The following ZBTB7A variants were observed in gnomAD, a reference collection of about 807,000 sequenced individuals.
The protein encoded by ZBTB7A is zinc finger and BTB domain containing 7A, also known as zinc finger and BTB domain-containing protein 7A.
ZBTB7A carries 7 observed loss-of-function variants against 26.7 expected under a neutral mutation model. The ratio of observed to expected loss-of-function variants is 0.26; its 90% CI spans 0.15 to 0.49. ZBTB7A has a LOEUF of 0.49. Among genes scored for constraint, ZBTB7A ranks in the 20% least tolerant of loss-of-function variants. ZBTB7A has a pLI of 0.98. For missense variants in ZBTB7A, 617 were observed against 919.5 expected (o/e 0.67, Z 4.25); for synonymous variants, 452 against 441.0 (o/e 1.02, Z -0.31).
intron 2 of ZBTB7A, among the ~76,000 whole-genome samples, chr19:4,050,282 A>G (rs952216186): frequency 3.7e-4 from 56 of 150,080 alleles, no homozygotes; most frequent in African/African-American, 1.2e-3. Context: ...GCTGGTCTTG[A>G]ACTCCTGACC....
At position 4,045,882 on chromosome 19, in the gene ZBTB7A, G is replaced by C. The variant is rs943137316; in HGVS notation, c.*1870C>G. ...CCTGGATTACAGTCAGTGCCTTTGAGTAAAAAGAGGGGTGCCTGGGGTGGG... is the reference window on the plus strand; with the variant it reads ...CCTGGATTACAGTCAGTGCCTTTGACTAAAAAGAGGGGTGCCTGGGGTGGG... On this transcript the variant is annotated 3_prime_UTR_variant, in exon 3 of 3. Coordinates refer to ENST00000322357, the MANE Select transcript of ZBTB7A (RefSeq NM_015898.4). This position sits in a 1 kb window ranked among gnomAD's most constrained non-coding sequence, Gnocchi z 4.1. 1.3e-5 allele frequency: 5 copies of C among 398,664 alleles called. No homozygotes were observed. The highest frequency in any genetic ancestry group is 6.3e-4 in the Middle Eastern group (1 of 1,588). The allele number at this position is 398,664 out of a possible 1,614,324, so 24.7% of individuals were successfully genotyped here.
rs763956115 is a variant in ZBTB7A, at chr19:4,047,717, C to G, written c.*35G>C. 3.2e-6 allele frequency: 5 copies of G among 1,570,192 alleles called. No individual in the cohort carries two copies. The highest frequency in any genetic ancestry group is 1.9e-5 in the Admixed American group (1 of 51,614). ...ATTTTTTTTCTCTCTCTCTGTCTCT[C>G]TCTTTCTCGGGTTTCTGTTTTCTCT... On this transcript the variant is annotated 3_prime_UTR_variant, in exon 3 of 3. Coordinates refer to ENST00000322357, the MANE Select transcript of ZBTB7A (RefSeq NM_015898.4).
At chr19:4,064,399 G>A (rs2040669958) in intron 1 of ZBTB7A, among the ~76,000 whole-genome samples, 1 of 152,216 alleles carries the variant, frequency 6.6e-6, no homozygotes, top group African/African-American at 2.4e-5. Context: ...CCCGCCGATA[G>A]GTGCTCTCGG....
At chr19:4,049,468 C>T (rs750896439) in intron 2 of ZBTB7A, among the ~76,000 whole-genome samples, 2 of 151,730 alleles carry the variant, frequency 1.3e-5, no homozygotes, top group Non-Finnish European at 2.9e-5. Flanking sequence ...GCCGAGCGCC[C>T]GCTGAGGGCC....
chr19:4,047,171 G>C lies in ZBTB7A; in HGVS notation c.*581C>G, dbSNP rs2040430650. On this transcript the variant is annotated 3_prime_UTR_variant, in exon 3 of 3. Transcript: ENST00000322357. ...AGGCGGGGAGGCCACTGGGGAGATG[G>C]AGAGGGAGACCCCTCCCTTAGTAAG... 6.6e-6 allele frequency: 1 copy of C among 152,206 alleles called. No individual in the cohort carries two copies. Among genetic ancestry groups the C allele is most frequent in the African/African-American group, 2.4e-5 (1 of 41,414 alleles). 9.4% of individuals were successfully genotyped at this position (152,206 alleles called of 1,614,324 possible). A position where few individuals can be genotyped will look rare whatever the true frequency, so the allele number is the denominator to read the frequency against.
chr19:4,053,788 G>A (rs1017860480), intron 2 of ZBTB7A, among the ~76,000 whole-genome samples, 183 bp downstream of exon 2: 13 of 151,730 alleles, frequency 8.6e-5, no homozygotes, highest in Non-Finnish European at 1.8e-4. Context: ...GTGTCTGCGT[G>A]TGTGTGGATG....
chr19:4,047,896 G>A lies in ZBTB7A; in HGVS notation c.1611C>T (p.His537=). Residue 537 remains histidine (H), a synonymous_variant, in exon 3 of 3, where the codon CAC becomes CAT. Transcript: ENST00000322357. ...CCTCGTCCTCGTCCTCGTCCTTAAA[G>A]TGCTTCTCCTGGCCGTTGCGCCGGG... is the stretch of plus-strand genomic sequence containing the variant. ...PDARRNGQEK[H]FKDEDEDEDV... The A allele has an allele frequency of 6.3e-7, 1 of 1,579,950 alleles. No homozygotes were observed. Among genetic ancestry groups the A allele is most frequent in the Non-Finnish European group, 8.6e-7 (1 of 1,165,130 alleles).
chr19:4,044,778 C>CTG lies in ZBTB7A; in HGVS notation c.*2972_*2973dup, dbSNP rs886619247. On this transcript the variant is annotated 3_prime_UTR_variant, in exon 3 of 3. Coordinates refer to ENST00000322357, the MANE Select transcript of ZBTB7A (RefSeq NM_015898.4). The stretch of plus-strand genomic sequence containing the variant: ...AACAACCAAACAAAAAAGCTTTGAG[C>CTG]TGTGTCCTTTCATATGGAGTCAACA... 2.0e-5 allele frequency: 3 copies of CTG among 149,222 alleles called. No homozygotes were observed. The highest frequency in any genetic ancestry group is 4.4e-5 in the Non-Finnish European group (3 of 67,670). The allele number at this position is 149,222 out of a possible 1,614,324, so 9.2% of individuals were successfully genotyped here. A position where few individuals can be genotyped will look rare whatever the true frequency, so the allele number is the denominator to read the frequency against.
chr19:4,062,385 G>T (rs1443061895), intron 1 of ZBTB7A: 1 of 152,396 alleles, frequency 6.6e-6, no homozygotes, highest in East Asian at 1.9e-4. Flanking sequence ...GAGCAGCTGG[G>T]GGAGGCTGGG....
Position 4,054,642 on chromosome 19 carries a change from G to A in ZBTB7A, c.591C>T (p.Ala197=), listed in dbSNP as rs73534140. The A allele has an allele frequency of 6.4e-3, 10,265 of 1,597,776 alleles. 598 individuals carry two copies. In the African/African-American group the frequency reaches 0.12, roughly 19 times the overall value. ...AFGASDDDLD[A]TKEAVAAAVA... ...CAGCGGCGGCCACGGCCTCCTTGGT[G>A]GCATCCAGGTCATCATCGGACGCCC... The change falls in exon 2 of 3, where the codon GCC becomes GCT. Residue 197 remains alanine (A), a synonymous_variant. Transcript: ENST00000322357.
At chr19:4,053,854 T>A in intron 2 of ZBTB7A, 117 bp downstream of exon 2, 1 of 1,199,620 alleles carries the variant, frequency 8.3e-7, no homozygotes, top group South Asian at 1.5e-5. Context: ...CGTGCGTGTA[T>A]GTGTGCGTCT....
At chr19:4,058,707 G>A (rs2040609208) in intron 1 of ZBTB7A, among the ~76,000 whole-genome samples, 1 of 152,238 alleles carries the variant, frequency 6.6e-6, no homozygotes, top group Non-Finnish European at 1.5e-5. Flanking sequence ...CAGCAGCTCA[G>A]GCAGGCTCTG....
rs756280965 is a variant in ZBTB7A, at chr19:4,047,600, C to CAT, written c.*150_*151dup. 5.5e-4 allele frequency: 320 copies of CAT among 586,278 alleles called. No homozygotes were observed. The highest frequency in any genetic ancestry group is 6.3e-4 in the Non-Finnish European group (255 of 402,304). 36.3% of individuals were successfully genotyped at this position (586,278 alleles called of 1,614,324 possible). A position where few individuals can be genotyped will look rare whatever the true frequency, so the allele number is the denominator to read the frequency against. Reference sequence around the variant, plus strand: ...CGCTACCCTAGATTCTGTGACGCGTCATATATATATATCTGTATATATATA... The same window carrying CAT: ...CGCTACCCTAGATTCTGTGACGCGTCATATATATATATATCTGTATATATATA... On this transcript the variant is annotated 3_prime_UTR_variant, in exon 3 of 3. Transcript: ENST00000322357.
intron 1 of ZBTB7A, among the ~76,000 whole-genome samples, chr19:4,059,429 C>T (rs981033134): frequency 6.6e-6 from 1 of 152,260 alleles, no homozygotes; most frequent in South Asian, 2.1e-4. Flanking sequence ...TCTCTTGGGC[C>T]CCTGTTCCCC....
chr19:4,055,021 T>C lies in ZBTB7A; in HGVS notation c.212A>G (p.Gln71Arg). The change falls in exon 2 of 3, where the codon CAG (glutamine) becomes CGG (arginine). Residue 71 changes from glutamine (Q) to arginine (R), a missense_variant. Gln to Arg is a conservative substitution (Grantham distance 43, BLOSUM62 1). Coordinates refer to ENST00000322357, the MANE Select transcript of ZBTB7A (RefSeq NM_015898.4). ...GAAGTCGATCTCGTACACGTTCTGC[T>C]GGTCCACCACGGCGCCCGACGTGAA... ...KLFTSGAVVD[Q>R]QNVYEIDFVS... The C allele has an allele frequency of 1.2e-6, 2 of 1,611,186 alleles. No homozygotes were observed. Among genetic ancestry groups the C allele is most frequent in the Non-Finnish European group, 1.7e-6 (2 of 1,178,954 alleles).
intron 2 of ZBTB7A, among the ~76,000 whole-genome samples, chr19:4,051,841 C>T (rs915224234): frequency 5.3e-5 from 8 of 152,246 alleles, no homozygotes; most frequent in Non-Finnish European, 8.8e-5. Flanking sequence ...GCACAGCAGG[C>T]CAGAGGGCCA....
intron 1 of ZBTB7A, among the ~76,000 whole-genome samples, chr19:4,066,350 C>G (rs968129454): frequency 6.6e-6 from 1 of 150,730 alleles, no homozygotes; most frequent in African/African-American, 2.4e-5. Context: ...CGGCTCCCCC[C>G]ACCCTCAATG....
chr19:4,054,728 TGGG>T lies in ZBTB7A; in HGVS notation c.502_504del (p.Pro168del), dbSNP rs2040554832. 1 of 1,571,078 alleles carries T rather than the reference TGGG, an allele frequency of 6.4e-7. No homozygotes were observed. The highest frequency in any genetic ancestry group is 1.4e-5 in the African/African-American group (1 of 73,864). On this transcript the variant is annotated inframe_deletion, in exon 2 of 3. Coordinates refer to ENST00000322357, the MANE Select transcript of ZBTB7A (RefSeq NM_015898.4). ...GCGGCCGCGGGGGGCAGGCTGTTCATGGGGTTGCTCTGGAAGAACTCGAGGTAC... is the reference window on the plus strand; with the variant it reads ...GCGGCCGCGGGGGGCAGGCTGTTCATGTTGCTCTGGAAGAACTCGAGGTAC...
At chr19:4,049,176 A>ATG (rs2040468404) in intron 2 of ZBTB7A, among the ~76,000 whole-genome samples, 1 of 11,896 alleles carries the variant, frequency 8.4e-5, no homozygotes, top group East Asian at 6.2e-3. Context: ...GTGTATATAT[A>ATG]TATATATATA....
Sources: gnomAD v4.1 joint callset for allele counts (sites outside exome capture counted in the v4.1 genomes callset) on GRCh38, gnomAD v4.1.1 for gene constraint, Gnocchi (gnomAD v3.1) non-coding constraint, MANE v1.5 for transcripts, NCBI Gene and HGNC (gene_info 2026-07-23, HGNC 2026-07-21) for gene names.